The following CDH12 variants were observed in gnomAD, a reference collection of about 807,000 sequenced individuals.
CDH12 encodes cadherin 12, also known as cadherin-12.
Under a neutral mutation model 74.1 loss-of-function variants are expected in CDH12, and 41 were observed. The observed-to-expected ratio is 0.55, with a 90% CI of 0.43 to 0.72. CDH12 has a LOEUF of 0.72. Ranked by LOEUF, CDH12 falls within the 30% of genes least tolerant of loss-of-function variation. CDH12 has a pLI of 0.00. For missense variants in CDH12, 945 were observed against 977.2 expected, an observed-to-expected ratio of 0.97 and a Z score of 0.44; for synonymous variants, 399 against 355.0, an observed-to-expected ratio of 1.12 and a Z score of -1.39.
chr5:22,750,054 T>C (rs1745487272), intron 1 of CDH12, among the ~76,000 whole-genome samples: 1 of 152,178 alleles, frequency 6.6e-6, no homozygotes, highest in Admixed American at 6.5e-5. Context: ...TCTAGTGCAC[T>C]CAATTTTCCT....
At chr5:21,773,572 G>A (rs1047255063) in intron 11 of CDH12, among the ~76,000 whole-genome samples, 6 of 152,118 alleles carry the variant, frequency 3.9e-5, no homozygotes, top group African/African-American at 9.7e-5. Context: ...CAGACTGAAC[G>A]CTGCAACTAT....
intron 5 of CDH12, among the ~76,000 whole-genome samples, chr5:22,063,828 G>T (rs1486694663): frequency 6.6e-6 from 1 of 152,044 alleles, no homozygotes. Context: ...CAAGCAAGAA[G>T]GTATTCTGCC....
intron 6 of CDH12, among the ~76,000 whole-genome samples, chr5:21,929,374 G>T (rs369352217): frequency 1.3e-5 from 2 of 151,050 alleles, no homozygotes; most frequent in East Asian, 3.9e-4. Flanking sequence ...GTCCCTTCTG[G>T]GGTGATGGGA....
At chr5:22,049,957 T>C (rs1740239928) in intron 5 of CDH12, among the ~76,000 whole-genome samples, 2 of 152,090 alleles carry the variant, frequency 1.3e-5, no homozygotes, top group African/African-American at 4.8e-5. Flanking sequence ...CTCTATAAAA[T>C]ATATCCCATT....
At chr5:22,402,082 C>T (rs931297572) in intron 3 of CDH12, among the ~76,000 whole-genome samples, 2 of 152,174 alleles carry the variant, frequency 1.3e-5, no homozygotes, top group African/African-American at 4.8e-5. Context: ...TTTGTTACGA[C>T]AGCCCCAGGA....
chr5:22,718,955 C>T (rs1201257953), intron 1 of CDH12, among the ~76,000 whole-genome samples: 5 of 152,308 alleles, frequency 3.3e-5, no homozygotes, highest in Admixed American at 3.3e-4. Context: ...AGTCTTTTCA[C>T]TATCATAAAA....
At chr5:22,156,792 T>A (rs1748046579) in intron 4 of CDH12, among the ~76,000 whole-genome samples, 1 of 152,182 alleles carries the variant, frequency 6.6e-6, no homozygotes, top group Admixed American at 6.6e-5. Context: ...GCTGTGCCAT[T>A]TTTCACTGAG....
intron 2 of CDH12, among the ~76,000 whole-genome samples, chr5:22,413,398 G>A (rs1159193579): frequency 1.3e-5 from 2 of 151,852 alleles, no homozygotes; most frequent in Non-Finnish European, 2.9e-5. Flanking sequence ...TGAGAGATCA[G>A]AATAACAACA....
chr5:22,415,120 G>A (rs921753722), intron 2 of CDH12, among the ~76,000 whole-genome samples: 7 of 152,006 alleles, frequency 4.6e-5, no homozygotes, highest in African/African-American at 1.7e-4. Flanking sequence ...GCCAAATGTT[G>A]AAAATGTTTA....
intron 5 of CDH12, among the ~76,000 whole-genome samples, chr5:21,985,686 T>G (rs1327069832): frequency 6.6e-6 from 1 of 152,172 alleles, no homozygotes; most frequent in Non-Finnish European, 1.5e-5. Context: ...CAAACTACTT[T>G]TGCTAGATTC....
chr5:22,373,372 A>G (rs948885522), intron 3 of CDH12, among the ~76,000 whole-genome samples: 9 of 152,126 alleles, frequency 5.9e-5, no homozygotes, highest in Non-Finnish European at 1.0e-4. Context: ...ACAACTGCTA[A>G]TAATATCACC....
chr5:22,803,799 A>T (rs918465879), intron 1 of CDH12, among the ~76,000 whole-genome samples: 2 of 152,230 alleles, frequency 1.3e-5, no homozygotes, highest in Admixed American at 1.3e-4. Flanking sequence ...GAGCGTTTTC[A>T]AATCCTTTCG....
chr5:22,529,192 G>T (rs149624942), intron 1 of CDH12, among the ~76,000 whole-genome samples: 6,819 of 42,736 alleles, frequency 0.16, 241 homozygotes, highest in African/African-American at 0.29. Flanking sequence ...TATATATAGA[G>T]AGAGAGAGAG....
chr5:22,240,444 C>A (rs1400627589), intron 3 of CDH12, among the ~76,000 whole-genome samples: 1 of 152,126 alleles, frequency 6.6e-6, no homozygotes, highest in African/African-American at 2.4e-5. Context: ...AACAAACACA[C>A]AAAAAAGTTT....
intron 5 of CDH12, among the ~76,000 whole-genome samples, chr5:22,010,855 C>T (rs1231066302): frequency 1.3e-5 from 2 of 152,068 alleles, no homozygotes; most frequent in African/African-American, 2.4e-5. Context: ...AGATTTACAT[C>T]CTGTAATGCT....
chr5:21,975,457 T>G, intron 5 of CDH12, 72 bp from the exon 6 acceptor site: 3 of 1,072,770 alleles, frequency 2.8e-6, no homozygotes, highest in African/African-American at 1.6e-5. Flanking sequence ...TAAAAGGATG[T>G]GCCAAATTAA....
Position 21,839,681 on chromosome 5 carries a change from C to A in CDH12, c.814+2480G>T, listed in dbSNP as rs1364936341. On this transcript the variant is annotated intron_variant, in intron 8 of 14. Coordinates refer to ENST00000382254, the MANE Select transcript of CDH12 (RefSeq NM_004061.5). Reference sequence around the variant, plus strand: ...ATAAAATGTTCATTTAGCTAAATATCTTCAATATTATATATTTTAGTAGAT... The same window carrying A: ...ATAAAATGTTCATTTAGCTAAATATATTCAATATTATATATTTTAGTAGAT... Among the ~76,000 whole-genome samples, 3 of 152,070 alleles carry A rather than the reference C, an allele frequency of 2.0e-5. No homozygotes were observed. The South Asian group carries it at 6.2e-4, about 32-fold the overall frequency.
chr5:22,656,479 G>A (rs184302202), intron 1 of CDH12, among the ~76,000 whole-genome samples: 61 of 152,284 alleles, frequency 4.0e-4, no homozygotes, highest in Middle Eastern at 6.8e-3. Context: ...ATCACTGTAT[G>A]AGCATAGACA....
chr5:21,953,384 CT>C (rs1755953892), intron 6 of CDH12, among the ~76,000 whole-genome samples: 1 of 152,196 alleles, frequency 6.6e-6, no homozygotes, highest in Admixed American at 6.5e-5. Flanking sequence ...ACCCGGTTGC[CT>C]TGGGCATGCT....
Sources: allele counts gnomAD v4.1 joint callset (sites outside exome capture counted in the v4.1 genomes callset), GRCh38; gene constraint gnomAD v4.1.1; transcripts MANE v1.5; gene names NCBI Gene and HGNC (gene_info 2026-07-23, HGNC 2026-07-21).